ANKS3: variants seen among roughly 807,000 people sequenced by gnomAD.
ANKS3 encodes ankyrin repeat and sterile alpha motif domain containing 3.
ANKS3 carries 62 observed loss-of-function variants against 80.7 expected under a neutral mutation model. The ratio of observed to expected loss-of-function variants is 0.77; its 90% CI spans 0.63 to 0.95. ANKS3 has a LOEUF of 0.95. Ranked by LOEUF, ANKS3 falls within the 40% of genes least tolerant of loss-of-function variation. The pLI is 0.00. For missense variants in ANKS3, 1,150 were observed against 883.6 expected (o/e 1.30, Z -3.82); for synonymous variants, 489 against 355.3 (o/e 1.38, Z -4.23).
At chr16:4,705,623 C>G (rs1429924385) in intron 7 of ANKS3, among the ~76,000 whole-genome samples, 1 of 152,014 alleles carries the variant, frequency 6.6e-6, no homozygotes, top group East Asian at 2.0e-4. Flanking sequence ...TGCCACCATG[C>G]CCAGTGTTTT....
At chr16:4,711,628 G>A (rs1454031344) in intron 7 of ANKS3, among the ~76,000 whole-genome samples, 1 of 148,404 alleles carries the variant, frequency 6.7e-6, no homozygotes, top group Admixed American at 6.9e-5. Flanking sequence ...TGAGGCAGGA[G>A]AATCACTTGA....
Position 4,705,195 on chromosome 16 carries a change from C to G in ANKS3, c.768G>C (p.Arg256Ser). Reference protein sequence around the residue: ...DESCPAPQRQRPCRKKGVSIH... With the variant: ...DESCPAPQRQSPCRKKGVSIH... The stretch of plus-strand genomic sequence containing the variant: ...TGCTGACACCCTTCTTCCGGCAAGG[C>G]CTCTGTCTCTGAGGAGCAGGGCAGG... The change falls in exon 8 of 18, where the codon AGG becomes AGC. Residue 256 changes from arginine (R) to serine (S), a missense_variant. Arg to Ser is a moderately radical substitution (Grantham distance 110). Coordinates refer to ENST00000304283, the MANE Select transcript of ANKS3 (RefSeq NM_133450.4). 5.0e-6 allele frequency: 8 copies of G among 1,613,994 alleles called. No individual in the cohort carries two copies. The highest frequency in any genetic ancestry group is 6.8e-6 in the Non-Finnish European group (8 of 1,180,034).
intron 17 of ANKS3, 26 bp downstream of exon 17, chr16:4,696,991 C>G (rs545952268): frequency 6.2e-7 from 1 of 1,607,880 alleles, no homozygotes; most frequent in East Asian, 2.2e-5. Context: ...TCCCACCACG[C>G]GGGATCCAGG....
At chr16:4,727,406 C>T in intron 3 of ANKS3, 1 of 585,716 alleles carries the variant, frequency 1.7e-6, no homozygotes, top group Admixed American at 3.0e-5. Context: ...GATTTCGCAT[C>T]CTCCTAGCCC....
intron 7 of ANKS3, among the ~76,000 whole-genome samples, chr16:4,707,982 G>T (rs1342031515): frequency 6.6e-6 from 1 of 152,138 alleles, no homozygotes; most frequent in Non-Finnish European, 1.5e-5. Flanking sequence ...AGGCGTGGTG[G>T]CAGATGCCTG....
chr16:4,705,672 G>A (rs527768161), intron 7 of ANKS3, among the ~76,000 whole-genome samples: 8 of 151,532 alleles, frequency 5.3e-5, no homozygotes, highest in Non-Finnish European at 1.2e-4. Context: ...CTTTTGCCAT[G>A]TTGGCCAGGC....
intron 6 of ANKS3, among the ~76,000 whole-genome samples, chr16:4,723,355 T>C (rs549913745): frequency 2.0e-4 from 30 of 152,336 alleles, no homozygotes; most frequent in African/African-American, 6.5e-4. Flanking sequence ...TTCTGGACAT[T>C]TCCTATGAGT....
At chr16:4,697,887 G>T in intron 15 of ANKS3, 90 bp downstream of exon 15, 1 of 1,219,090 alleles carries the variant, frequency 8.2e-7, no homozygotes, top group Non-Finnish European at 1.1e-6. Flanking sequence ...GCCGGCCGGA[G>T]AACCAGGCCA....
At chr16:4,711,371 G>A (rs1037075451) in intron 7 of ANKS3, among the ~76,000 whole-genome samples, 3 of 151,750 alleles carry the variant, frequency 2.0e-5, no homozygotes, top group African/African-American at 7.3e-5. Flanking sequence ...CCAAAGTGCT[G>A]AGATTATAGG....
intron 7 of ANKS3, among the ~76,000 whole-genome samples, chr16:4,713,449 G>C (rs1038018961): frequency 1.3e-5 from 2 of 151,852 alleles, no homozygotes; most frequent in Non-Finnish European, 2.9e-5. Context: ...TGAGAGTTGG[G>C]GGGAAAAAAA....
Position 4,734,001 on chromosome 16 carries a change from A to G in ANKS3, c.-134T>C, listed in dbSNP as rs984694783. 2.0e-6 allele frequency: 2 copies of G among 985,304 alleles called. No individual in the cohort carries two copies. The highest frequency in any genetic ancestry group is 3.5e-5 in the African/African-American group (2 of 57,244). 61.0% of individuals were successfully genotyped at this position (985,304 alleles called of 1,614,324 possible). On this transcript the variant is annotated 5_prime_UTR_variant, in exon 1 of 18. It removes an upstream start codon present in the reference 5' UTR. Transcript: ENST00000304283. ...ACAGGAACGCTACGGCGCACAGGGC[A>G]TTACTGTGCCCCCACCACAACCACA...
Position 4,697,098 on chromosome 16 carries a change from G to A in ANKS3, c.1901C>T (p.Ala634Val), listed in dbSNP as rs144281823. 1 of 1,613,508 alleles carries A rather than the reference G, an allele frequency of 6.2e-7. No homozygotes were observed. Among genetic ancestry groups the A allele is most frequent in the Non-Finnish European group, 8.5e-7 (1 of 1,179,816 alleles). ...LEDRVREMGQ[A>V]LCLVTQSLEK... is the part of the protein sequence containing the mutation. ...CAGGCTCTGGGTCACTAAGCACAGT[G>A]CTTGCCCTGAGGAATGATGACCTTG... Residue 634 changes from alanine (A) to valine (V), a missense_variant, in exon 17 of 18, where the codon GCA becomes GTA. Transcript: ENST00000304283.
intron 7 of ANKS3, among the ~76,000 whole-genome samples, chr16:4,712,457 A>G (rs1364727356): frequency 6.6e-6 from 1 of 152,148 alleles, no homozygotes; most frequent in East Asian, 1.9e-4. Context: ...AATACTAAAT[A>G]TTAATAAACA....
chr16:4,729,083 G>C (rs888075024), intron 3 of ANKS3, among the ~76,000 whole-genome samples: 2 of 152,232 alleles, frequency 1.3e-5, no homozygotes, highest in African/African-American at 2.4e-5. Context: ...GAACATAAGG[G>C]GGTGGAAGTG....
At chr16:4,705,002 A>C in intron 8 of ANKS3, 93 bp downstream of exon 8, 1 of 1,514,340 alleles carries the variant, frequency 6.6e-7, no homozygotes, top group Non-Finnish European at 8.9e-7. Context: ...CCAGCGACCC[A>C]CATTTCAGGA....
chr16:4,732,699 A>C lies in ANKS3; in HGVS notation c.-70-1120T>G, dbSNP rs201752633. On this transcript the variant is annotated intron_variant, in intron 1 of 17. Coordinates refer to ENST00000304283, the MANE Select transcript of ANKS3 (RefSeq NM_133450.4). ...GTCTCAAAAAAAAAAACAAAAAAAA[A>C]ACACTAAAGTGAAAACTAAAATGTC... Among the ~76,000 whole-genome samples, 137 of 151,620 alleles carry C rather than the reference A, an allele frequency of 9.0e-4. 3 individuals carry two copies. In the East Asian group the frequency reaches 0.026, roughly 29 times the overall value.
chr16:4,709,786 G>A (rs1227226514), intron 7 of ANKS3, among the ~76,000 whole-genome samples: 1 of 152,208 alleles, frequency 6.6e-6, no homozygotes, highest in Non-Finnish European at 1.5e-5. Flanking sequence ...CAAGGCGAGA[G>A]GATCACTTGA....
chr16:4,707,828 G>C (rs1382229290), intron 7 of ANKS3, among the ~76,000 whole-genome samples: 1 of 151,972 alleles, frequency 6.6e-6, no homozygotes, highest in Non-Finnish European at 1.5e-5. Context: ...ATATTGATCA[G>C]GGCCGGGCGC....
chr16:4,729,600 AC>A (rs2081521236), intron 3 of ANKS3: 2 of 154,150 alleles, frequency 1.3e-5, no homozygotes, highest in Non-Finnish European at 2.9e-5. Flanking sequence ...ACCTCAAGTG[AC>A]CCGCCCATCT....
Sources: allele counts gnomAD v4.1 joint callset (sites outside exome capture counted in the v4.1 genomes callset), GRCh38; gene constraint gnomAD v4.1.1; transcripts MANE v1.5; gene names NCBI Gene and HGNC (gene_info 2026-07-23, HGNC 2026-07-21).